The following MEGF6 variants were observed in gnomAD, a reference collection of about 807,000 sequenced individuals.
MEGF6 encodes multiple epidermal growth factor-like domains protein 6.
A neutral mutation model predicts 207.1 loss-of-function variants in MEGF6; 184 were observed. The observed-to-expected ratio is 0.89, with a 90% CI of 0.79 to 1.00. The LOEUF is 1.00. Ranked by LOEUF, MEGF6 falls within the 50% of genes least tolerant of loss-of-function variation. The probability of loss-of-function intolerance (pLI) is 0.00; values close to 1 mark genes in which losing one functional copy is unlikely to be tolerated. For synonymous variants in MEGF6, 1,038 were observed against 910.0 expected (o/e 1.14, Z -2.53); for missense variants, 2,282 against 2,202.9 (o/e 1.04, Z -0.72).
At chr1:3,497,195 C>T (rs760741510) in intron 27 of MEGF6, 38 bp downstream of exon 27, 1 of 1,526,964 alleles carries the variant, frequency 6.5e-7, no homozygotes, top group African/African-American at 1.4e-5. Flanking sequence ...TTCCCCCTGC[C>T]CAGCCGCTCC....
chr1:3,553,475 G>A (rs1044105220), intron 4 of MEGF6, among the ~76,000 whole-genome samples: 16 of 152,294 alleles, frequency 1.1e-4, no homozygotes, highest in African/African-American at 3.6e-4. Flanking sequence ...GCAGGATAGA[G>A]GCTGGAGCCA....
chr1:3,507,410 A>G (rs897618146), intron 14 of MEGF6, among the ~76,000 whole-genome samples: 7 of 152,206 alleles, frequency 4.6e-5, no homozygotes, highest in Non-Finnish European at 8.8e-5. Flanking sequence ...CTGGCCCCCA[A>G]GTAATCCCTT....
intron 2 of MEGF6, among the ~76,000 whole-genome samples, chr1:3,598,073 A>G (rs1284207567): frequency 6.6e-6 from 1 of 152,200 alleles, no homozygotes; most frequent in East Asian, 1.9e-4. Flanking sequence ...CCTGCCCTGC[A>G]GCCTGCAGAC....
chr1:3,599,045 CG>C (rs1644118905), intron 2 of MEGF6, among the ~76,000 whole-genome samples: 1 of 152,206 alleles, frequency 6.6e-6, no homozygotes. Flanking sequence ...CATCACCCCG[CG>C]GCCCTGCCTG....
At chr1:3,523,033 T>C (rs1411901728) in intron 5 of MEGF6, among the ~76,000 whole-genome samples, 1 of 151,268 alleles carries the variant, frequency 6.6e-6, no homozygotes, top group African/African-American at 2.4e-5. Flanking sequence ...ACAGAGCGGC[T>C]GCCTGGATCC....
intron 3 of MEGF6, 74 bp from the exon 4 acceptor site, chr1:3,580,003 T>C: frequency 8.9e-7 from 1 of 1,129,738 alleles, no homozygotes; most frequent in Non-Finnish European, 1.2e-6. Context: ...CCTGAGGGTC[T>C]CTCGGGCAGG....
In MEGF6 at chr1:3,528,399, C is replaced by T. The variant is rs537263506; in HGVS notation, c.482-4153G>A. Among the ~76,000 whole-genome samples, 8 of 152,318 alleles carry T rather than the reference C, an allele frequency of 5.3e-5. No homozygotes were observed. In the South Asian group the frequency reaches 6.2e-4, roughly 12 times the overall value. On this transcript the variant is annotated intron_variant, in intron 4 of 36. Coordinates refer to ENST00000356575, the MANE Select transcript of MEGF6 (RefSeq NM_001409.4). ...GGTGCTGAGCCGGTGACCCTGGCTG[C>T]GGCTGTGATCTGAAGAGCCGTAGGC...
Position 3,567,727 on chromosome 1 carries a change from G to A in MEGF6, c.481+12098C>T, listed in dbSNP as rs567730734. Among the ~76,000 whole-genome samples, 196 of 152,306 alleles carry A rather than the reference G, an allele frequency of 1.3e-3. 1 individual carries two copies. The highest frequency in any genetic ancestry group is 4.5e-3 in the African/African-American group (187 of 41,570). On this transcript the variant is annotated intron_variant, in intron 4 of 36. Coordinates refer to ENST00000356575, the MANE Select transcript of MEGF6 (RefSeq NM_001409.4). The stretch of plus-strand genomic sequence containing the variant: ...GCAGGCCGGGGTTGTCCAGCCAGGG[G>A]CAGGGGGGCCTGGGACGCTGCAGCG...
chr1:3,604,212 G>A (rs576624045), intron 1 of MEGF6, among the ~76,000 whole-genome samples: 6 of 152,302 alleles, frequency 3.9e-5, no homozygotes, highest in East Asian at 3.9e-4. Context: ...ACCTCCTGCC[G>A]AGAGGTTCTG....
At chr1:3,514,407 A>C in intron 7 of MEGF6, 143 bp downstream of exon 7, 1 of 1,093,486 alleles carries the variant, frequency 9.1e-7, no homozygotes, top group Admixed American at 2.9e-5. Flanking sequence ...AGACCGCCAC[A>C]TCCCAGGTCA....
chr1:3,612,022 C>T (rs78267041), upstream of MEGF6, among the ~76,000 whole-genome samples: 6,370 of 152,258 alleles, frequency 0.042, 272 homozygotes, highest in South Asian at 0.12. Flanking sequence ...TGCCCGTGGA[C>T]GCTCCGTCCA....
Position 3,505,390 on chromosome 1 carries a change from C to CA in MEGF6, c.2053+31_2053+32insT, listed in dbSNP as rs778319807. ...GGGTGGGGTTAACCGACCCTGGCGC[C>CA]CCCCGCCCCCAGACCCCATGCCTGG... On this transcript the variant is annotated intron_variant, in intron 16 of 36. Coordinates refer to ENST00000356575, the MANE Select transcript of MEGF6 (RefSeq NM_001409.4). The CA allele has an allele frequency of 4.4e-6, 7 of 1,598,682 alleles. No individual in the cohort carries two copies. The African/African-American group carries it at 9.4e-5, about 22-fold the overall frequency.
At chr1:3,616,517 A>G in the MEGF6 span, among the ~76,000 whole-genome samples, 2 of 152,136 alleles carry the variant, frequency 1.3e-5, no homozygotes, top group South Asian at 4.1e-4. Context: ...CACAAAATCC[A>G]GCAACACCCA....
intron 5 of MEGF6, among the ~76,000 whole-genome samples, chr1:3,517,771 G>A (rs954602292): frequency 6.6e-6 from 1 of 152,236 alleles, no homozygotes; most frequent in African/African-American, 2.4e-5. Flanking sequence ...GACGTGGACT[G>A]GGGATTTGCC....
chr1:3,543,929 G>A (rs1244022925), intron 4 of MEGF6, among the ~76,000 whole-genome samples: 1 of 152,192 alleles, frequency 6.6e-6, no homozygotes, highest in Non-Finnish European at 1.5e-5. Flanking sequence ...GCCCTGGAGG[G>A]GCATAAACAC....
At chr1:3,567,778 G>A (rs1231595073) in intron 4 of MEGF6, among the ~76,000 whole-genome samples, 5 of 152,196 alleles carry the variant, frequency 3.3e-5, no homozygotes, top group African/African-American at 9.6e-5. Context: ...GCCCTCCACC[G>A]ACCTGTCCTC....
intron 3 of MEGF6, among the ~76,000 whole-genome samples, chr1:3,584,752 C>A (rs953731484): frequency 6.6e-6 from 1 of 152,246 alleles, no homozygotes; most frequent in Non-Finnish European, 1.5e-5. Context: ...GTCCCCAGGC[C>A]TGCATCTGAG....
At chr1:3,616,993 T>G in the MEGF6 span, among the ~76,000 whole-genome samples, 1 of 152,210 alleles carries the variant, frequency 6.6e-6, no homozygotes, top group Admixed American at 6.5e-5. Context: ...GCTATTGTTC[T>G]GAGGACCAGA....
At chr1:3,505,156 A>G in intron 17 of MEGF6, 52 bp downstream of exon 17, 1 of 1,591,332 alleles carries the variant, frequency 6.3e-7, no homozygotes, top group Admixed American at 1.7e-5. Context: ...CCAGGCAGGC[A>G]GCCTACACCC....
Sources: allele counts gnomAD v4.1 joint callset (sites outside exome capture counted in the v4.1 genomes callset), GRCh38; gene constraint gnomAD v4.1.1; transcripts MANE v1.5; gene names NCBI Gene and HGNC (gene_info 2026-07-23, HGNC 2026-07-21).